The following PIK3CA variants were observed in gnomAD, a reference collection of about 807,000 sequenced individuals.
PIK3CA encodes the protein phosphatidylinositol-4,5-bisphosphate 3-kinase catalytic subunit alpha.
PIK3CA carries 27 observed loss-of-function variants against 138.2 expected under a neutral mutation model. The observed-to-expected ratio is 0.20, with a 90% confidence interval of 0.14 to 0.27. The LOEUF (loss-of-function observed/expected upper bound fraction) is 0.27. Among genes scored for constraint, PIK3CA ranks in the 10% least tolerant of loss-of-function variants. The pLI, the probability that PIK3CA is intolerant of heterozygous loss-of-function variation, is 1.00. For synonymous variants in PIK3CA, 358 were observed against 413.2 expected (o/e 0.87, Z 1.62); for missense variants, 544 against 1,277.4 (o/e 0.43, Z 8.75).
intron 1 of PIK3CA, among the ~76,000 whole-genome samples, chr3:179,188,902 T>C (rs1724057163): frequency 6.6e-6 from 1 of 152,190 alleles, no homozygotes; most frequent in Admixed American, 6.5e-5. Flanking sequence ...TTTTGCATGC[T>C]GAAATTTGAA....
At position 179,230,178 on chromosome 3, in the gene PIK3CA, T is replaced by C; in HGVS notation, c.2785-47T>C. 6.4e-7 allele frequency: 1 copy of C among 1,562,376 alleles called. No homozygotes were observed. The highest frequency in any genetic ancestry group is 8.8e-7 in the Non-Finnish European group (1 of 1,134,446). On this transcript the variant is annotated intron_variant, in intron 19 of 20. Coordinates refer to ENST00000263967, the MANE Select transcript of PIK3CA (RefSeq NM_006218.4). This position sits in a 1 kb window ranked among gnomAD's most constrained non-coding sequence, Gnocchi z 5.4. Reference sequence around the variant, plus strand: ...TGTTCTTAATTTATTCAAGACATTTTGTATCTGCATATATCAAACTATAAC... The same window carrying C: ...TGTTCTTAATTTATTCAAGACATTTCGTATCTGCATATATCAAACTATAAC...
intron 1 of PIK3CA, among the ~76,000 whole-genome samples, chr3:179,186,778 G>A (rs183377950): frequency 4.6e-5 from 7 of 152,260 alleles, no homozygotes; most frequent in East Asian, 1.9e-4. Flanking sequence ...GTAGGAAATC[G>A]CAGTAACATT....
At chr3:179,197,975 G>T (rs951503555) in intron 1 of PIK3CA, among the ~76,000 whole-genome samples, 8 of 152,146 alleles carry the variant, frequency 5.3e-5, no homozygotes, top group African/African-American at 1.9e-4. Flanking sequence ...GAGAGTCATG[G>T]ATCTTATTTA....
At chr3:179,149,254 C>G (rs1191438368) in intron 1 of PIK3CA, among the ~76,000 whole-genome samples, 1 of 152,164 alleles carries the variant, frequency 6.6e-6, no homozygotes, top group Admixed American at 6.5e-5. Context: ...GACACTGACT[C>G]ATGTGACTTG....
At chr3:179,178,483 A>G (rs1188605669) in intron 1 of PIK3CA, among the ~76,000 whole-genome samples, 4 of 152,196 alleles carry the variant, frequency 2.6e-5, no homozygotes, top group Non-Finnish European at 5.9e-5. Context: ...GATACCCACT[A>G]GAATAGCTGA....
At chr3:179,206,086 CTTTT>C (rs751353057) in intron 6 of PIK3CA, among the ~76,000 whole-genome samples, 8 of 105,164 alleles carry the variant, frequency 7.6e-5, no homozygotes, top group East Asian at 2.8e-4. Flanking sequence ...ACTTCAGGAT[CTTTT>C]TTTTTTTTTT....
chr3:179,149,239 C>T (rs1420886616), intron 1 of PIK3CA, among the ~76,000 whole-genome samples: 4 of 152,184 alleles, frequency 2.6e-5, no homozygotes, highest in African/African-American at 7.2e-5. Flanking sequence ...CATTCATAGA[C>T]CTGAGACACT....
Position 179,236,592 on chromosome 3 carries a change from A to C in PIK3CA, c.*2228A>C, listed in dbSNP as rs1251448287. The C allele has an allele frequency of 4.4e-6, 1 of 225,838 alleles. No individual in the cohort carries two copies. The highest frequency in any genetic ancestry group is 8.9e-6 in the Non-Finnish European group (1 of 112,196). 14.0% of individuals were successfully genotyped at this position (225,838 alleles called of 1,614,324 possible). A position where few individuals can be genotyped will look rare whatever the true frequency, so the allele number is the denominator to read the frequency against. The stretch of plus-strand genomic sequence containing the variant: ...AATGCTGTGAGCCTCCTTGCACAAA[A>C]TTTATACCACTTTTGCATTTTTATC... On this transcript the variant is annotated 3_prime_UTR_variant, in exon 21 of 21. Coordinates refer to ENST00000263967, the MANE Select transcript of PIK3CA (RefSeq NM_006218.4).
intron 1 of PIK3CA, among the ~76,000 whole-genome samples, chr3:179,148,991 C>G (rs1722935500): frequency 6.6e-6 from 1 of 152,080 alleles, no homozygotes. Flanking sequence ...GGGGCTGCCG[C>G]GAGGACTGCG....
At position 179,219,364 on chromosome 3, in the gene PIK3CA, T is replaced by G. The variant is rs1330372032; in HGVS notation, c.1746+87T>G. On this transcript the variant is annotated intron_variant, in intron 11 of 20. Coordinates refer to ENST00000263967, the MANE Select transcript of PIK3CA (RefSeq NM_006218.4). The surrounding 1 kb of genome is among the most constrained non-coding windows in gnomAD (Gnocchi z 4.2). Reference sequence around the variant, plus strand: ...TTTTCTCTCAGAAAGTCCACATAAATAAATGAAATAGACTAATAGTAATAT... The same window carrying G: ...TTTTCTCTCAGAAAGTCCACATAAAGAAATGAAATAGACTAATAGTAATAT... 2.3e-6 allele frequency: 2 copies of G among 855,974 alleles called. No individual in the cohort carries two copies. Among genetic ancestry groups the G allele is most frequent in the African/African-American group, 3.4e-5 (2 of 59,540 alleles). 53.0% of individuals were successfully genotyped at this position (855,974 alleles called of 1,614,324 possible). A position where few individuals can be genotyped will look rare whatever the true frequency, so the allele number is the denominator to read the frequency against.
At chr3:179,149,127 G>T (rs924015457) in intron 1 of PIK3CA, among the ~76,000 whole-genome samples, 1 of 152,148 alleles carries the variant, frequency 6.6e-6, no homozygotes, top group African/African-American at 2.4e-5. Flanking sequence ...CCCGGCAGGG[G>T]TATGGAAGGA....
intron 1 of PIK3CA, among the ~76,000 whole-genome samples, chr3:179,192,122 T>G (rs1248848392): frequency 6.6e-6 from 1 of 152,174 alleles, no homozygotes; most frequent in Non-Finnish European, 1.5e-5. Flanking sequence ...AAATACTGAT[T>G]CCAGAATATT....
At chr3:179,170,923 G>A (rs1377485660) in intron 1 of PIK3CA, among the ~76,000 whole-genome samples, 1 of 152,030 alleles carries the variant, frequency 6.6e-6, no homozygotes, top group East Asian at 1.9e-4. Flanking sequence ...CAGAAGACAG[G>A]AATAAAGCAA....
chr3:179,155,913 A>G (rs1330415930), intron 1 of PIK3CA, among the ~76,000 whole-genome samples: 3 of 152,212 alleles, frequency 2.0e-5, no homozygotes, highest in Admixed American at 6.5e-5. Flanking sequence ...CGGTTTTTCC[A>G]TTCATCTATT....
intron 1 of PIK3CA, among the ~76,000 whole-genome samples, chr3:179,188,057 T>A (rs1012196834): frequency 6.6e-6 from 1 of 152,240 alleles, no homozygotes; most frequent in Non-Finnish European, 1.5e-5. Context: ...GAGTTCTCCC[T>A]AGGGTCAGTG....
chr3:179,181,888 C>G (rs533291800), intron 1 of PIK3CA, among the ~76,000 whole-genome samples: 36 of 152,220 alleles, frequency 2.4e-4, no homozygotes, highest in Non-Finnish European at 4.3e-4. Flanking sequence ...ACTAGATGCT[C>G]TCACTCTGAA....
chr3:179,169,619 A>G (rs1467468162), intron 1 of PIK3CA, among the ~76,000 whole-genome samples: 1 of 152,168 alleles, frequency 6.6e-6, no homozygotes, highest in Non-Finnish European at 1.5e-5. Context: ...AAATTGCAGC[A>G]ACTATTGTAC....
chr3:179,170,076 G>GCGCGCACACA (rs1553815527), intron 1 of PIK3CA, among the ~76,000 whole-genome samples: 1 of 139,210 alleles, frequency 7.2e-6, no homozygotes, highest in Non-Finnish European at 1.5e-5. Context: ...ACGCGCGCGC[G>GCGCGCACACA]CACACACACA....
Position 179,173,057 on chromosome 3 carries a change from A to G in PIK3CA, c.-77+24454A>G, listed in dbSNP as rs538932609. Among the ~76,000 whole-genome samples the G allele has an allele frequency of 1.4e-3, 211 of 152,240 alleles. 1 individual carries two copies. Among genetic ancestry groups the G allele is most frequent in the African/African-American group, 5.0e-3 (206 of 41,546 alleles). ...TAATTTCTTATTTTGGACAATTGGT[A>G]TATCCTATAGATCTTTTTCCCGTGA... On this transcript the variant is annotated intron_variant, in intron 1 of 20. Coordinates refer to ENST00000263967, the MANE Select transcript of PIK3CA (RefSeq NM_006218.4).
Sources: allele counts gnomAD v4.1 joint callset (sites outside exome capture counted in the v4.1 genomes callset), GRCh38; gene constraint gnomAD v4.1.1; non-coding constraint Gnocchi (gnomAD v3.1); transcripts MANE v1.5; gene names NCBI Gene and HGNC (gene_info 2026-07-23, HGNC 2026-07-21).